Variants in CDC25A observed in about 807,000 individuals in gnomAD.
CDC25A encodes cell division cycle 25A.
In CDC25A, 17 loss-of-function variants were observed where a neutral mutation model predicts 64.6. The observed-to-expected ratio is 0.26, with a 90% CI of 0.18 to 0.39. CDC25A has a LOEUF of 0.39. Among genes scored for constraint, CDC25A ranks in the 10% least tolerant of loss-of-function variants. The probability of loss-of-function intolerance (pLI) is 1.00; values close to 1 mark genes in which losing one functional copy is unlikely to be tolerated. For synonymous variants in CDC25A, 229 were observed against 238.6 expected (o/e 0.96, Z 0.37); for missense variants, 473 against 654.8 (o/e 0.72, Z 3.03).
At chr3:48,168,371 C>G (rs866724286) in intron 9 of CDC25A, among the ~76,000 whole-genome samples, 1 of 141,684 alleles carries the variant, frequency 7.1e-6, no homozygotes, top group Non-Finnish European at 1.5e-5. Flanking sequence ...CACACACACA[C>G]ACACACACAC....
chr3:48,164,214 A>G, intron 13 of CDC25A, 93 bp downstream of exon 13: 1 of 1,259,166 alleles, frequency 7.9e-7, no homozygotes, highest in East Asian at 2.7e-5. Flanking sequence ...TTGATATGCT[A>G]AAATATGCTC....
At position 48,157,800 on chromosome 3, in the gene CDC25A, C is replaced by G. The variant is rs3731565; in HGVS notation, c.*1145G>C. On this transcript the variant is annotated 3_prime_UTR_variant, in exon 15 of 15. Transcript: ENST00000302506. Reference sequence around the variant, plus strand: ...CTATCCAGTCATGTCCATGCCAGCACCCACTCCCTTCTCCTAATGCCCAGG... The same window carrying G: ...CTATCCAGTCATGTCCATGCCAGCAGCCACTCCCTTCTCCTAATGCCCAGG... The G allele has an allele frequency of 2.5e-3, 378 of 152,868 alleles. 2 individuals carry two copies. Among genetic ancestry groups the G allele is most frequent in the Non-Finnish European group, 3.8e-3 (261 of 68,124 alleles). 9.5% of individuals were successfully genotyped at this position (152,868 alleles called of 1,614,324 possible). A position where few individuals can be genotyped will look rare whatever the true frequency, so the allele number is the denominator to read the frequency against.
intron 9 of CDC25A, among the ~76,000 whole-genome samples, chr3:48,173,052 T>C (rs1425606497): frequency 6.6e-5 from 10 of 151,916 alleles, no homozygotes; most frequent in Non-Finnish European, 1.0e-4. Context: ...ACCCCGTCTC[T>C]ACTAAAAATA....
rs1425535383 is a variant in CDC25A, at chr3:48,163,296, AAAAAAG to A, written c.1322+1005_1322+1010del. On this transcript the variant is annotated intron_variant, in intron 13 of 14. Coordinates refer to ENST00000302506, the MANE Select transcript of CDC25A (RefSeq NM_001789.3). ...GTGCCTCCGCCTCAAAAAAAAAAAA[AAAAAAG>A]AAAGAAAGAAAGAAAGAAAAAGCCA... 5.8e-3 allele frequency among the ~76,000 whole-genome samples: 870 copies of A among 150,856 alleles called. 13 individuals are homozygous for A. The highest frequency in any genetic ancestry group is 0.02 in the African/African-American group (818 of 40,882).
chr3:48,187,891 G>C lies in CDC25A; in HGVS notation c.57C>G (p.Pro19=), dbSNP rs927310359. The change falls in exon 1 of 15, where the codon CCC becomes CCG. Residue 19 remains proline (P), a synonymous_variant. Coordinates refer to ENST00000302506, the MANE Select transcript of CDC25A (RefSeq NM_001789.3). ...HRRRLLFACS[P]PPASQPVVKA... is the part of the protein sequence containing the mutation. ...TCACGACGGGCTGCGACGCGGGAGG[G>C]GGGCTGCAGGCGAAGAGCAGGCGGC... The C allele has an allele frequency of 1.9e-6, 3 of 1,545,216 alleles. No homozygotes were observed. Among genetic ancestry groups the C allele is most frequent in the East Asian group, 2.5e-5 (1 of 40,332 alleles).
chr3:48,180,375 T>G (rs2032619200), intron 6 of CDC25A: 1 of 163,008 alleles, frequency 6.1e-6, no homozygotes, highest in African/African-American at 2.4e-5. Context: ...TTCCGGTTTT[T>G]GCCAGAAAGC....
intron 13 of CDC25A, among the ~76,000 whole-genome samples, chr3:48,159,875 C>T (rs994810043): frequency 6.6e-6 from 1 of 152,172 alleles, no homozygotes; most frequent in Admixed American, 6.5e-5. Context: ...TTGCTCCTGC[C>T]TCGGGGCCCT....
chr3:48,186,911 A>G, intron 1 of CDC25A, 132 bp from the exon 2 acceptor site: 1 of 624,932 alleles, frequency 1.6e-6, no homozygotes, highest in Non-Finnish European at 2.8e-6. Flanking sequence ...CACAAGTGGC[A>G]AAGATCCCAC....
At chr3:48,167,812 C>G in intron 10 of CDC25A, 34 bp downstream of exon 10, 1 of 1,188,550 alleles carries the variant, frequency 8.4e-7, no homozygotes. Context: ...ACACTCCCTC[C>G]TACACTTGCC....
In CDC25A at chr3:48,164,375, T is replaced by C; in HGVS notation, c.1254A>G (p.Val418=). Residue 418 remains valine (V), a synonymous_variant, in exon 13 of 15, where the codon GTA becomes GTG. Coordinates refer to ENST00000302506, the MANE Select transcript of CDC25A (RefSeq NM_001789.3). ...CAATGACACGCTTGCCATCAGTAGG[T>C]ACAATGGGCTTCTTCAATAAGAAGT... ...VEDFLLKKPI[V]PTDGKRVIVV... The C allele has an allele frequency of 6.2e-7, 1 of 1,602,896 alleles. No homozygotes were observed. The highest frequency in any genetic ancestry group is 1.1e-5 in the South Asian group (1 of 88,774).
intron 1 of CDC25A, 134 bp downstream of exon 1, chr3:48,187,644 A>T: frequency 1.1e-6 from 1 of 877,082 alleles, no homozygotes; most frequent in Non-Finnish European, 1.7e-6. Context: ...GGCAGGCCCT[A>T]GCCCGGCTGT....
Position 48,167,926 on chromosome 3 carries a change from A to C in CDC25A, c.949T>G (p.Ser317Ala), listed in dbSNP as rs1183940647. The part of the protein sequence containing the change: ...KAHETLHQSL[S>A]LASSPKGTIE... ...GTTCCTTTGGGGGAAGATGCCAGGG[A>C]TAAAGACTGATGAAGAGTCTGTAAC... Residue 317 changes from serine to alanine, a missense_variant, in exon 10 of 15, where the codon TCC (serine) becomes GCC (alanine). This residue lies in a region of CDC25A where 376 missense variants were observed against 431.9 expected (regional missense o/e 0.87). Coordinates refer to ENST00000302506, the MANE Select transcript of CDC25A (RefSeq NM_001789.3). 7.5e-6 allele frequency: 12 copies of C among 1,603,044 alleles called. No individual in the cohort carries two copies. Among genetic ancestry groups the C allele is most frequent in the Non-Finnish European group, 1.0e-5 (12 of 1,169,940 alleles).
rs1484875957 is a variant in CDC25A at position 48,178,008 on chromosome 3, G to T, written c.550-20C>A. The T allele has an allele frequency of 6.3e-7, 1 of 1,594,162 alleles. No individual in the cohort carries two copies. On this transcript the variant is annotated intron_variant, in intron 6 of 14. Transcript: ENST00000302506. Reference sequence around the variant, plus strand: ...GGAAAGCTGTAAGACAAAATTCATGGATTAATAATGAGAGCTCTGATCCAC... The same window carrying T: ...GGAAAGCTGTAAGACAAAATTCATGTATTAATAATGAGAGCTCTGATCCAC...
Position 48,176,248 on chromosome 3 carries a change from T to C in CDC25A, c.756+1123A>G. On this transcript the variant is annotated intron_variant, in intron 8 of 14. Coordinates refer to ENST00000302506, the MANE Select transcript of CDC25A (RefSeq NM_001789.3). ...TAATTATAGTTCAGGTTATTGAGAA[T>C]TAAAAAATATGAACTTATCAATTTA... 2.0e-5 allele frequency among the ~76,000 whole-genome samples: 3 copies of C among 152,280 alleles called. No individual in the cohort carries two copies. In the Middle Eastern group the frequency reaches 0.01, roughly 518 times the overall value.
chr3:48,167,680 C>G (rs775080906), intron 10 of CDC25A, among the ~76,000 whole-genome samples, 166 bp downstream of exon 10: 2 of 152,190 alleles, frequency 1.3e-5, no homozygotes, highest in East Asian at 1.9e-4. Flanking sequence ...CCAACATATA[C>G]CTGATCATGA....
chr3:48,188,169 C>T lies in CDC25A; in HGVS notation c.-222G>A. On this transcript the variant is annotated 5_prime_UTR_variant, in exon 1 of 15. Transcript: ENST00000302506. ...CAGCCACCAGCCACAGGCACGGGTG[C>T]TTCCCTCTCACACCGCGAGGCCAGC... is the stretch of plus-strand genomic sequence containing the variant. The T allele has an allele frequency of 2.8e-6, 1 of 353,664 alleles. No individual in the cohort carries two copies. The highest frequency in any genetic ancestry group is 5.0e-6 in the Non-Finnish European group (1 of 199,684). 21.9% of individuals were successfully genotyped at this position (353,664 alleles called of 1,614,324 possible).
intron 13 of CDC25A, among the ~76,000 whole-genome samples, chr3:48,162,724 T>G (rs749444577): frequency 8.6e-5 from 13 of 151,996 alleles, no homozygotes; most frequent in Non-Finnish European, 1.6e-4. Context: ...GGTGGGCACC[T>G]GTAGTCCCAG....
At chr3:48,184,525 A>G (rs2032780133) in intron 3 of CDC25A, 128 bp downstream of exon 3, 3 of 671,078 alleles carry the variant, frequency 4.5e-6, no homozygotes, top group South Asian at 1.8e-5. Context: ...TTGAGATTCC[A>G]GAGTGTTTCT....
Position 48,158,820 on chromosome 3 carries a change from T to C in CDC25A, c.*125A>G. On this transcript the variant is annotated 3_prime_UTR_variant, in exon 15 of 15. Transcript: ENST00000302506. Reference sequence around the variant, plus strand: ...GAGTGTGGGAGGTAGGTTTAAGGCATGGAAGTCCCAGGCCCCCTCTCCAAA... The same window carrying C: ...GAGTGTGGGAGGTAGGTTTAAGGCACGGAAGTCCCAGGCCCCCTCTCCAAA... 6.6e-6 allele frequency: 8 copies of C among 1,215,312 alleles called. No homozygotes were observed. The highest frequency in any genetic ancestry group is 9.2e-6 in the Non-Finnish European group (8 of 866,254). The allele number at this position is 1,215,312 out of a possible 1,614,324, so 75.3% of individuals were successfully genotyped here.
Sources: allele counts gnomAD v4.1 joint callset (sites outside exome capture counted in the v4.1 genomes callset), GRCh38; gene constraint gnomAD v4.1.1; regional missense constraint gnomAD v4.1.1; transcripts MANE v1.5; gene names NCBI Gene and HGNC (gene_info 2026-07-23, HGNC 2026-07-21).